The following CRYBB1 variants were observed in gnomAD, a reference collection of about 807,000 sequenced individuals.
CRYBB1 encodes crystallin beta B1.
Under a neutral mutation model 29.5 loss-of-function variants are expected in CRYBB1, and 16 were observed. That is an observed-to-expected ratio of 0.54 (90% confidence interval 0.37 to 0.82). CRYBB1 has a LOEUF of 0.82. Ranked by LOEUF, CRYBB1 falls within the 40% of genes least tolerant of loss-of-function variation. CRYBB1 has a pLI of 0.00. For missense variants in CRYBB1, 300 were observed against 350.5 expected, an observed-to-expected ratio of 0.86 and a Z score of 1.15; for synonymous variants, 127 against 136.7, an observed-to-expected ratio of 0.93 and a Z score of 0.49.
At chr22:26,612,456 A>G (rs1297431661) in intron 2 of CRYBB1, among the ~76,000 whole-genome samples, 1 of 152,130 alleles carries the variant, frequency 6.6e-6, no homozygotes, top group Non-Finnish European at 1.5e-5. Flanking sequence ...TCCGCCTCCC[A>G]GGCTCAAGCG....
rs181227194 is a variant in CRYBB1, at chr22:26,607,874, C to T, written c.432+15G>A. 5,178 of 1,614,086 alleles carry T rather than the reference C, an allele frequency of 3.2e-3. 11 individuals carry two copies. The highest frequency in any genetic ancestry group is 3.9e-3 in the Non-Finnish European group (4,586 of 1,180,020). On this transcript the variant is annotated intron_variant, in intron 4 of 5. Coordinates refer to ENST00000647684, the MANE Select transcript of CRYBB1 (RefSeq NM_001887.4). Reference sequence around the variant, plus strand: ...GCCTGGCTGATTCTCCAGCCCCAGCCGGAGAGCCACTCACCATTTTGATGG... The same window carrying T: ...GCCTGGCTGATTCTCCAGCCCCAGCTGGAGAGCCACTCACCATTTTGATGG...
At chr22:26,610,951 G>T (rs1238095538) in intron 3 of CRYBB1, among the ~76,000 whole-genome samples, 3 of 152,114 alleles carry the variant, frequency 2.0e-5, no homozygotes, top group African/African-American at 7.2e-5. Flanking sequence ...TCAAAGTGGG[G>T]GAGACAAGAG....
intron 2 of CRYBB1, among the ~76,000 whole-genome samples, chr22:26,613,532 A>G (rs895718102): frequency 2.0e-4 from 31 of 152,356 alleles, no homozygotes; most frequent in East Asian, 1.9e-4. Context: ...CTTTACTGCA[A>G]TCTGTAAACA....
intron 2 of CRYBB1, among the ~76,000 whole-genome samples, chr22:26,614,334 G>A (rs991311959): frequency 6.6e-6 from 1 of 152,152 alleles, no homozygotes; most frequent in Non-Finnish European, 1.5e-5. Context: ...GACATGTGAT[G>A]TCTCCCCCGG....
chr22:26,611,702 C>T (rs1470349808), intron 3 of CRYBB1, among the ~76,000 whole-genome samples: 1 of 152,040 alleles, frequency 6.6e-6, no homozygotes, highest in Non-Finnish European at 1.5e-5. Context: ...TCTCGATCTC[C>T]TGACCTCGTG....
intron 2 of CRYBB1, among the ~76,000 whole-genome samples, chr22:26,615,521 T>C (rs1165338530): frequency 1.3e-5 from 2 of 151,062 alleles, no homozygotes; most frequent in East Asian, 3.9e-4. Context: ...TCTATTCTTT[T>C]CTTTTTTTTT....
Position 26,604,370 on chromosome 22 carries a change from G to T in CRYBB1, c.433-2349C>A, listed in dbSNP as rs546086328. Among the ~76,000 whole-genome samples the T allele has an allele frequency of 2.0e-5, 3 of 152,352 alleles. No homozygotes were observed. The South Asian group carries it at 6.2e-4, about 32-fold the overall frequency. On this transcript the variant is annotated intron_variant, in intron 4 of 5. Coordinates refer to ENST00000647684, the MANE Select transcript of CRYBB1 (RefSeq NM_001887.4). ...AGTACGTAGTTGGTGCTTAAAAATG[G>T]ATGCTGTGATTATCTACTGTTATTA...
intron 4 of CRYBB1, among the ~76,000 whole-genome samples, chr22:26,607,484 G>T (rs988188779): frequency 2.0e-5 from 3 of 150,530 alleles, no homozygotes; most frequent in Non-Finnish European, 4.4e-5. Flanking sequence ...TTGAGGCCAG[G>T]AGTTCAAGGC....
chr22:26,599,687 GAGA>G lies in CRYBB1; in HGVS notation c.576-17_576-15del. 2 of 1,611,592 alleles carry G rather than the reference GAGA, an allele frequency of 1.2e-6. No individual in the cohort carries two copies. On this transcript the variant is annotated splice_polypyrimidine_tract_variant and intron_variant, in intron 5 of 5. Coordinates refer to ENST00000647684, the MANE Select transcript of CRYBB1 (RefSeq NM_001887.4). ...TAGCCAACCCATCTGAGAGAAAAGT[GAGA>G]AGGACAGAGTGGAGACAGCCTGTCT...
chr22:26,609,123 G>A (rs145102149), intron 3 of CRYBB1, among the ~76,000 whole-genome samples: 2 of 152,130 alleles, frequency 1.3e-5, no homozygotes, highest in African/African-American at 2.4e-5. Flanking sequence ...AAAAAGAGAC[G>A]GATGAGGGGA....
intron 2 of CRYBB1, 62 bp downstream of exon 2, chr22:26,616,075 AAGG>A (rs2145972877): frequency 7.2e-6 from 9 of 1,254,830 alleles, no homozygotes; most frequent in Middle Eastern, 1.9e-4. Context: ...GGAGGAGAAG[AAGG>A]AGGAGGAGGG....
rs540951662 is a variant in CRYBB1 at position 26,612,246 on chromosome 22, A to C, written c.181-56T>G. ...AGAGTGAGGGGGGAGTCAAAAATTC[A>C]TTAAGTATCTACATAAATAAAAGCC... On this transcript the variant is annotated intron_variant, in intron 2 of 5. Coordinates refer to ENST00000647684, the MANE Select transcript of CRYBB1 (RefSeq NM_001887.4). The C allele has an allele frequency of 4.3e-6, 5 of 1,155,534 alleles. No homozygotes were observed. The Admixed American group carries it at 8.4e-5, about 20-fold the overall frequency. The allele number at this position is 1,155,534 out of a possible 1,614,324, so 71.6% of individuals were successfully genotyped here.
chr22:26,613,324 C>A lies in CRYBB1; in HGVS notation c.181-1134G>T, dbSNP rs566343939. ...GTAAGAGGAGGGGAGGTTCATATAA[C>A]CATGACCCAGCACTTCCACTTCTAC... On this transcript the variant is annotated intron_variant, in intron 2 of 5. Transcript: ENST00000647684. Among the ~76,000 whole-genome samples, 6 of 152,274 alleles carry A rather than the reference C, an allele frequency of 3.9e-5. No individual in the cohort carries two copies. In the East Asian group the frequency reaches 1.2e-3, roughly 29 times the overall value.
chr22:26,604,539 T>A (rs1053122322), intron 4 of CRYBB1, among the ~76,000 whole-genome samples: 1 of 152,112 alleles, frequency 6.6e-6, no homozygotes, highest in Non-Finnish European at 1.5e-5. Context: ...CAGGGAAGGC[T>A]TCATGGAAGA....
intron 1 of CRYBB1, among the ~76,000 whole-genome samples, chr22:26,616,744 C>T (rs1046521741): frequency 1.3e-5 from 2 of 152,320 alleles, no homozygotes; most frequent in African/African-American, 2.4e-5. Flanking sequence ...CTGTGACATA[C>T]ATTAATTAAC....
At chr22:26,603,260 T>A (rs2145959615) in intron 4 of CRYBB1, among the ~76,000 whole-genome samples, 1 of 152,222 alleles carries the variant, frequency 6.6e-6, no homozygotes, top group Middle Eastern at 3.4e-3. Context: ...CCAGGCATGG[T>A]GGCTCACATC....
intron 3 of CRYBB1, among the ~76,000 whole-genome samples, chr22:26,611,305 G>A (rs5761631): frequency 0.17 from 25,238 of 152,024 alleles, 2,319 homozygotes; most frequent in East Asian, 0.29. Flanking sequence ...AATCATCTAG[G>A]TGTGGTCCCG....
intron 1 of CRYBB1, among the ~76,000 whole-genome samples, chr22:26,616,952 A>G (rs1929375249): frequency 6.6e-6 from 1 of 152,206 alleles, no homozygotes; most frequent in Non-Finnish European, 1.5e-5. Flanking sequence ...TGATTTATTC[A>G]CCGTCCATCC....
In CRYBB1 at chr22:26,599,358, C is replaced by T; in HGVS notation, c.*132G>A. ...TCACATCCCAGTAACTATGGGGGAC[C>T]TCAAGGCACACATCTGTTTACAGAT... On this transcript the variant is annotated 3_prime_UTR_variant, in exon 6 of 6. Transcript: ENST00000647684. 2.4e-6 allele frequency: 2 copies of T among 817,554 alleles called. No homozygotes were observed. The highest frequency in any genetic ancestry group is 4.0e-6 in the Non-Finnish European group (2 of 500,732). The allele number at this position is 817,554 out of a possible 1,614,324, so 50.6% of individuals were successfully genotyped here.
Sources: gnomAD v4.1 joint callset for allele counts (sites outside exome capture counted in the v4.1 genomes callset) on GRCh38, gnomAD v4.1.1 for gene constraint, MANE v1.5 for transcripts, NCBI Gene and HGNC (gene_info 2026-07-23, HGNC 2026-07-21) for gene names.